The following ZBTB45 variants were observed in gnomAD, a reference collection of about 807,000 sequenced individuals.
ZBTB45 encodes zinc finger and BTB domain containing 45.
In ZBTB45, 22 loss-of-function variants were observed where a neutral mutation model predicts 28.4. The ratio of observed to expected loss-of-function variants is 0.77; its 90% CI spans 0.55 to 1.10. The LOEUF (loss-of-function observed/expected upper bound fraction) is 1.10, where lower values mean the gene tolerates loss of function less well. Among genes scored for constraint, ZBTB45 ranks in the 50% least tolerant of loss-of-function variants. ZBTB45 has a pLI of 0.00. For missense variants in ZBTB45, 656 were observed against 750.2 expected (o/e 0.87, Z 1.47); for synonymous variants, 361 against 332.3 (o/e 1.09, Z -0.94).
At chr19:58,531,571 G>A (rs1008193532) in intron 1 of ZBTB45, among the ~76,000 whole-genome samples, 2 of 152,174 alleles carry the variant, frequency 1.3e-5, no homozygotes, top group African/African-American at 4.8e-5. Flanking sequence ...GGCATTCTTT[G>A]GTAAGCAAGC....
intron 1 of ZBTB45, chr19:58,538,664 C>G (rs1283899240): frequency 1.3e-5 from 2 of 152,210 alleles, no homozygotes; most frequent in African/African-American, 2.4e-5. Context: ...GGCAGTGCCC[C>G]GTTACCCTCA....
chr19:58,514,557 C>T (rs1268352568), intron 2 of ZBTB45, among the ~76,000 whole-genome samples: 1 of 152,092 alleles, frequency 6.6e-6, no homozygotes, highest in South Asian at 2.1e-4. Flanking sequence ...AACAGGGATC[C>T]TCATACACTG....
In ZBTB45 at chr19:58,517,149, C is replaced by T; in HGVS notation, c.525G>A (p.Gln175=). 3.1e-6 allele frequency: 5 copies of T among 1,612,100 alleles called. No homozygotes were observed. The highest frequency in any genetic ancestry group is 1.3e-5 in the African/African-American group (1 of 75,038). ...GCGCTGGCAGCTGCAAACGCGCGGG[C>T]TGGCGCTGCTTACGGCTGTGTGCAG... is the stretch of plus-strand genomic sequence containing the variant. ...PGAAHSRKQR[Q]PARLQLPAPP... The change falls in exon 2 of 3, where the codon CAG becomes CAA. Residue 175 remains glutamine, a synonymous_variant. Transcript: ENST00000594051.
chr19:58,535,911 G>C (rs1354289335), intron 1 of ZBTB45, among the ~76,000 whole-genome samples: 2 of 152,170 alleles, frequency 1.3e-5, no homozygotes, highest in East Asian at 3.9e-4. Context: ...AGCTGAAATG[G>C]GGAAGAAGAG....
chr19:58,514,026 C>T lies in ZBTB45; in HGVS notation c.*28G>A, dbSNP rs1415445610. On this transcript the variant is annotated 3_prime_UTR_variant, in exon 3 of 3. Coordinates refer to ENST00000594051, the MANE Select transcript of ZBTB45 (RefSeq NM_001316979.2). ...GACTGTGCGGGAGGCCCCGGATCCA[C>T]CGTGGGCGAGGCCAGGCCCCAGCGC... The T allele has an allele frequency of 7.2e-7, 1 of 1,384,752 alleles. No homozygotes were observed. The highest frequency in any genetic ancestry group is 9.3e-7 in the Non-Finnish European group (1 of 1,075,856). The allele number at this position is 1,384,752 out of a possible 1,614,324, so 85.8% of individuals were successfully genotyped here. A position where few individuals can be genotyped will look rare whatever the true frequency, so the allele number is the denominator to read the frequency against.
At chr19:58,525,489 C>T (rs1009334280) in intron 1 of ZBTB45, among the ~76,000 whole-genome samples, 1 of 152,084 alleles carries the variant, frequency 6.6e-6, no homozygotes, top group South Asian at 2.1e-4. Flanking sequence ...ACATGGGAGC[C>T]GTGTGAGGTG....
intron 1 of ZBTB45, among the ~76,000 whole-genome samples, chr19:58,529,482 T>C (rs1184531868): frequency 6.6e-6 from 1 of 152,198 alleles, no homozygotes; most frequent in African/African-American, 2.4e-5. Flanking sequence ...GTCACAATGG[T>C]GTACAACCAC....
chr19:58,527,061 G>C (rs1383684399), intron 1 of ZBTB45, among the ~76,000 whole-genome samples: 1 of 152,160 alleles, frequency 6.6e-6, no homozygotes, highest in Non-Finnish European at 1.5e-5. Flanking sequence ...TGGGACACCT[G>C]GCTGGTTCCA....
intron 1 of ZBTB45, among the ~76,000 whole-genome samples, chr19:58,529,019 G>T (rs1034952309): frequency 8.7e-5 from 13 of 149,918 alleles, no homozygotes; most frequent in African/African-American, 3.3e-4. Context: ...GGGAGGCAGA[G>T]GTTGCAGTGA....
At chr19:58,528,482 A>G (rs1285632605) in intron 1 of ZBTB45, among the ~76,000 whole-genome samples, 1 of 148,212 alleles carries the variant, frequency 6.7e-6, no homozygotes, top group Non-Finnish European at 1.5e-5. Context: ...AAAAAAGTCC[A>G]GGTGCGGTGG....
upstream of ZBTB45, among the ~76,000 whole-genome samples, chr19:58,523,916 A>ATG (rs1176189876): frequency 3.1e-4 from 3 of 9,586 alleles, no homozygotes; most frequent in East Asian, 0.031. Flanking sequence ...ATATATATAT[A>ATG]TAGAAAAATT....
In ZBTB45 at chr19:58,516,444, CT is replaced by C; in HGVS notation, c.1229del (p.Lys410ArgfsTer139). 6.2e-7 allele frequency: 1 copy of C among 1,614,030 alleles called. No individual in the cohort carries two copies. The highest frequency in any genetic ancestry group is 8.5e-7 in the Non-Finnish European group (1 of 1,179,894). On this transcript the variant is annotated frameshift_variant, in exon 2 of 3. Transcript: ENST00000594051. LOFTEE classifies it high-confidence loss of function. This position sits in a 1 kb window ranked among gnomAD's most constrained non-coding sequence, Gnocchi z 6.2. ...PPTYECSHCR[K>X]TFSSRKNYTK... ...TGTAGTTTTTCCGGGAGCTGAACGT[CT>C]TGCGACAGTGGCTGCACTCATACGT...
In ZBTB45 at chr19:58,515,766, C is replaced by T. The variant is rs561944444; in HGVS notation, c.1279+629G>A. Among the ~76,000 whole-genome samples the T allele has an allele frequency of 6.6e-6, 1 of 152,316 alleles. No individual in the cohort carries two copies. Among genetic ancestry groups the T allele is most frequent in the African/African-American group, 2.4e-5 (1 of 41,552 alleles). ...ATCCTCACCACATTCCCCAGTACCA[C>T]CCTCCCACTCTTTACCTCTCCTGCA... On this transcript the variant is annotated intron_variant, in intron 2 of 2. Coordinates refer to ENST00000594051, the MANE Select transcript of ZBTB45 (RefSeq NM_001316979.2). The surrounding 1 kb of genome is among the most constrained non-coding windows in gnomAD (Gnocchi z 4.7).
chr19:58,522,655 A>G (rs944867909), upstream of ZBTB45, among the ~76,000 whole-genome samples: 1 of 152,116 alleles, frequency 6.6e-6, no homozygotes. Flanking sequence ...AAACAACAAA[A>G]AACACACAAG....
rs2053517484 is a variant in ZBTB45 at position 58,517,165 on chromosome 19, C to T, written c.509G>A (p.Ser170Asn). Residue 170 changes from serine (S) to asparagine (N), a missense_variant, in exon 2 of 3, where the codon AGC becomes AAC. Ser to Asn is a conservative substitution (Grantham distance 46, BLOSUM62 1). Around this residue, in one of 3 missense-constraint regions of ZBTB45, gnomAD observed 448 missense variants for 444.3 expected, o/e 1.01. Coordinates refer to ENST00000594051, the MANE Select transcript of ZBTB45 (RefSeq NM_001316979.2). ...RPPGHPGAAH[S>N]RKQRQPARLQ... is the part of the protein sequence containing the mutation. ...ACGCGCGGGCTGGCGCTGCTTACGG[C>T]TGTGTGCAGCACCGGGGTGCCCCGG... is the stretch of plus-strand genomic sequence containing the variant. 4 of 1,611,002 alleles carry T rather than the reference C, an allele frequency of 2.5e-6. No individual in the cohort carries two copies. The highest frequency in any genetic ancestry group is 3.4e-6 in the Non-Finnish European group (4 of 1,179,026).
intron 1 of ZBTB45, among the ~76,000 whole-genome samples, chr19:58,530,209 G>GCGCACACACACA (rs1555797435): frequency 6.7e-6 from 1 of 148,508 alleles, no homozygotes; most frequent in Non-Finnish European, 1.5e-5. Context: ...GAGAGCGCAT[G>GCGCACACACACA]CACACACACA....
intron 1 of ZBTB45, among the ~76,000 whole-genome samples, chr19:58,533,317 C>T: frequency 6.6e-6 from 1 of 152,232 alleles, no homozygotes; most frequent in East Asian, 1.9e-4. Flanking sequence ...TTCCCATAGG[C>T]CCCATTTCCA....
chr19:58,514,554 A>G (rs2047352776), intron 2 of ZBTB45, among the ~76,000 whole-genome samples: 1 of 151,894 alleles, frequency 6.6e-6, no homozygotes, highest in Non-Finnish European at 1.5e-5. Flanking sequence ...CCCAACAGGG[A>G]TCCTCATACA....
Position 58,516,068 on chromosome 19 carries a change from G to C in ZBTB45, c.1279+327C>G, listed in dbSNP as rs557410584. Among the ~76,000 whole-genome samples the C allele has an allele frequency of 1.3e-5, 2 of 152,168 alleles. No homozygotes were observed. The highest frequency in any genetic ancestry group is 2.9e-5 in the Non-Finnish European group (2 of 67,988). ...TGGAGCATAGTTTCCCAACCTGCCAGGACCTCCTGCCAAGGCTCCATACCC... is the reference window on the plus strand; with the variant it reads ...TGGAGCATAGTTTCCCAACCTGCCACGACCTCCTGCCAAGGCTCCATACCC... On this transcript the variant is annotated intron_variant, in intron 2 of 2. Coordinates refer to ENST00000594051, the MANE Select transcript of ZBTB45 (RefSeq NM_001316979.2). This position sits in a 1 kb window ranked among gnomAD's most constrained non-coding sequence, Gnocchi z 6.2.
Sources: gnomAD v4.1 joint callset for allele counts (sites outside exome capture counted in the v4.1 genomes callset) on GRCh38, gnomAD v4.1.1 for gene constraint, gnomAD v4.1.1 regional missense constraint, Gnocchi (gnomAD v3.1) non-coding constraint, MANE v1.5 for transcripts, NCBI Gene and HGNC (gene_info 2026-07-23, HGNC 2026-07-21) for gene names.